The following NANOS3 variants were observed in gnomAD, a reference collection of about 807,000 sequenced individuals.
NANOS3 encodes the protein nanos C2HC-type zinc finger 3.
In NANOS3, 11 loss-of-function variants were observed where a neutral mutation model predicts 13.8. That is an observed-to-expected ratio of 0.80 (90% confidence interval 0.50 to 1.32). NANOS3 has a LOEUF of 1.32. NANOS3 is among the 40% of genes most tolerant of loss of function. NANOS3 has a pLI of 0.00. For synonymous variants in NANOS3, 119 were observed against 115.4 expected (o/e 1.03, Z -0.20); for missense variants, 221 against 263.8 (o/e 0.84, Z 1.12).
At chr19:13,871,312 G>A (rs1002411310) in intron 1 of NANOS3, among the ~76,000 whole-genome samples, 1 of 152,170 alleles carries the variant, frequency 6.6e-6, no homozygotes, top group East Asian at 1.9e-4. Flanking sequence ...GAGAACAGAT[G>A]TGTGAGGGGC....
intron 1 of NANOS3, among the ~76,000 whole-genome samples, chr19:13,867,971 A>G (rs767375140): frequency 5.3e-5 from 8 of 152,274 alleles, no homozygotes; most frequent in Middle Eastern, 3.4e-3. Flanking sequence ...TGGCATGCAT[A>G]GACTCACGGG....
intron 1 of NANOS3, among the ~76,000 whole-genome samples, chr19:13,867,792 C>T (rs1461888475): frequency 6.6e-6 from 1 of 152,072 alleles, no homozygotes; most frequent in Admixed American, 6.6e-5. Flanking sequence ...TAAAATGGAT[C>T]CTCTTAGCCA....
At chr19:13,877,802 G>A (rs1483221338) in intron 1 of NANOS3, 37 bp downstream of exon 1, 3 of 1,519,154 alleles carry the variant, frequency 2.0e-6, no homozygotes, top group African/African-American at 1.4e-5. Flanking sequence ...CCTGTCCGAG[G>A]GTAGTGGCTG....
At chr19:13,872,829 C>G (rs1260537759), upstream of NANOS3, among the ~76,000 whole-genome samples, 3 of 152,044 alleles carry the variant, frequency 2.0e-5, no homozygotes, top group Non-Finnish European at 2.9e-5. Context: ...CAGCTCCAGA[C>G]AGAGGGGTGG....
upstream of NANOS3, among the ~76,000 whole-genome samples, chr19:13,862,580 C>T (rs944749946): frequency 6.6e-6 from 1 of 152,018 alleles, no homozygotes; most frequent in African/African-American, 2.4e-5. Context: ...GCTCTGTGGC[C>T]CAGGCTGGAG....
At chr19:13,869,338 T>A (rs1268097077) in intron 1 of NANOS3, among the ~76,000 whole-genome samples, 1 of 151,870 alleles carries the variant, frequency 6.6e-6, no homozygotes, top group Non-Finnish European at 1.5e-5. Context: ...GCTTGGCCCC[T>A]CCATAGCCCC....
At chr19:13,863,467 C>T (rs760261572), upstream of NANOS3, among the ~76,000 whole-genome samples, 35 of 152,160 alleles carry the variant, frequency 2.3e-4, no homozygotes, top group Non-Finnish European at 4.3e-4. Context: ...ATTCTCCTGC[C>T]TCGGCCTCCC....
At chr19:13,874,419 G>T (rs1968467102), upstream of NANOS3, among the ~76,000 whole-genome samples, 4 of 152,168 alleles carry the variant, frequency 2.6e-5, no homozygotes, top group Admixed American at 2.6e-4. Flanking sequence ...TGACAAAGGG[G>T]GGTAATCTGC....
At chr19:13,874,739 C>T (rs758749099), upstream of NANOS3, 1 of 534,232 alleles carries the variant, frequency 1.9e-6, no homozygotes, top group Non-Finnish European at 3.9e-6. Context: ...TTCAACCTGT[C>T]GGTGAGTTTG....
chr19:13,877,116 C>T, upstream of NANOS3: 2 of 771,962 alleles, frequency 2.6e-6, no homozygotes, highest in African/African-American at 1.7e-5. Context: ...AAAGGAGGGT[C>T]GGCCAGCACA....
Position 13,871,734 on chromosome 19 carries a change from G to C in NANOS3, n.22-5934G>C, listed in dbSNP as rs78349312. Among the ~76,000 whole-genome samples the C allele has an allele frequency of 6.2e-3, 940 of 152,334 alleles. 16 individuals are homozygous for C. Among genetic ancestry groups the C allele is most frequent in the African/African-American group, 0.021 (889 of 41,572 alleles). Reference sequence around the variant, plus strand: ...TCAAGAAGAAAGATTCCTGTGGGACGAGGTGGCTCATGCCTGTAATCCCAG... The same window carrying C: ...TCAAGAAGAAAGATTCCTGTGGGACCAGGTGGCTCATGCCTGTAATCCCAG... On this transcript the variant is annotated intron_variant and non_coding_transcript_variant, in intron 1 of 2. Transcript: ENST00000591161.
chr19:13,877,046 C>T (rs1319259743), upstream of NANOS3, among the ~76,000 whole-genome samples: 3 of 152,264 alleles, frequency 2.0e-5, no homozygotes. Context: ...CCAGGCCCCC[C>T]TGTGACAATA....
At chr19:13,880,277 G>A (rs948131013) in intron 1 of NANOS3, among the ~76,000 whole-genome samples, 165 bp from the exon 2 acceptor site, 1 of 152,180 alleles carries the variant, frequency 6.6e-6, no homozygotes, top group Non-Finnish European at 1.5e-5. Flanking sequence ...GGGTCCCAGC[G>A]GGGCCGCCCG....
At chr19:13,879,642 C>T (rs1366736732) in intron 1 of NANOS3, among the ~76,000 whole-genome samples, 1 of 151,854 alleles carries the variant, frequency 6.6e-6, no homozygotes, top group Non-Finnish European at 1.5e-5. Context: ...GAGGGAGGAT[C>T]GCTTGGGTCC....
In NANOS3 at chr19:13,877,500, C is replaced by T. The variant is rs935939442; in HGVS notation, c.252C>T (p.Gly84=). 2 of 1,611,522 alleles carry T rather than the reference C, an allele frequency of 1.2e-6. No individual in the cohort carries two copies. Among genetic ancestry groups the T allele is most frequent in the South Asian group, 1.1e-5 (1 of 91,080 alleles). ...ERLCSFCKHN[G]ESRAIYQSHV... is the part of the protein sequence containing the mutation. ...TGTGCTCTTTCTGCAAACACAACGG[C>T]GAGTCCCGGGCCATCTACCAGTCCC... is the stretch of plus-strand genomic sequence containing the variant. Residue 84 remains glycine, a synonymous_variant, in exon 1 of 2, where the codon GGC becomes GGT. Coordinates refer to ENST00000339133, the MANE Select transcript of NANOS3 (RefSeq NM_001098622.3).
chr19:13,870,383 T>C (rs1267925156), intron 1 of NANOS3, among the ~76,000 whole-genome samples: 1 of 151,876 alleles, frequency 6.6e-6, no homozygotes, highest in Non-Finnish European at 1.5e-5. Context: ...GCGCCCAGCC[T>C]TGTTCTTCAG....
Position 13,877,467 on chromosome 19 carries a change from C to G in NANOS3, c.219C>G (p.Pro73=), listed in dbSNP as rs757257227. 8 of 1,611,576 alleles carry G rather than the reference C, an allele frequency of 5.0e-6. No individual in the cohort carries two copies. In the East Asian group the frequency reaches 8.9e-5, roughly 18 times the overall value. The part of the protein sequence containing the change: ...QKRSLESSPA[P]ERLCSFCKHN... ...GCAGCCTGGAGTCCTCGCCAGCTCC[C>G]GAACGCCTGTGCTCTTTCTGCAAAC... The change falls in exon 1 of 2, where the codon CCC becomes CCG. Residue 73 remains proline (P), a synonymous_variant. Coordinates refer to ENST00000339133, the MANE Select transcript of NANOS3 (RefSeq NM_001098622.3).
chr19:13,875,492 C>A (rs2145077133), upstream of NANOS3, among the ~76,000 whole-genome samples: 1 of 151,946 alleles, frequency 6.6e-6, no homozygotes, highest in East Asian at 1.9e-4. Flanking sequence ...TGGCCTAAAA[C>A]CCCTTTCTGA....
At chr19:13,865,938 G>C (rs1484050360) in intron 1 of NANOS3, among the ~76,000 whole-genome samples, 1 of 151,934 alleles carries the variant, frequency 6.6e-6, no homozygotes, top group East Asian at 1.9e-4. Context: ...GCGCGCGCGC[G>C]TTCGTGAAGG....
Sources: allele counts gnomAD v4.1 joint callset (sites outside exome capture counted in the v4.1 genomes callset), GRCh38; gene constraint gnomAD v4.1.1; transcripts MANE v1.5; gene names NCBI Gene and HGNC (gene_info 2026-07-23, HGNC 2026-07-21).